Variants in METTL8 observed in about 807,000 individuals in gnomAD.
METTL8 encodes tRNA N(3)-cytidine methyltransferase METTL8, mitochondrial.
METTL8 carries 32 observed loss-of-function variants against 48.7 expected under a neutral mutation model. The observed-to-expected ratio is 0.66, with a 90% CI of 0.50 to 0.88. The LOEUF (loss-of-function observed/expected upper bound fraction) is 0.88, where lower values mean the gene tolerates loss of function less well. Among genes scored for constraint, METTL8 ranks in the 40% least tolerant of loss-of-function variants. The pLI, the probability that METTL8 is intolerant of heterozygous loss-of-function variation, is 0.00. For synonymous variants in METTL8, 136 were observed against 157.1 expected (o/e 0.87, Z 1.01); for missense variants, 464 against 474.4 (o/e 0.98, Z 0.20).
In METTL8 at chr2:171,339,548, T is replaced by C. The variant is rs2105419419; in HGVS notation, c.242A>G (p.Tyr81Cys). 6.7e-7 allele frequency: 1 copy of C among 1,482,614 alleles called. No individual in the cohort carries two copies. Among genetic ancestry groups the C allele is most frequent in the African/African-American group, 1.4e-5 (1 of 71,114 alleles). The allele number at this position is 1,482,614 out of a possible 1,614,324, so 91.8% of individuals were successfully genotyped here. ...CCAGTATTTACTAGCTTCTCTCTCA[T>C]ACTTAACTAAAATAAAGAGGAAAAA... ...VRVLLEEQVK[Y>C]EREASKYWDT... The change falls in exon 4 of 10, where the codon TAT becomes TGT. Residue 81 changes from tyrosine to cysteine, a missense_variant. Transcript: ENST00000375258.
chr2:171,371,622 A>G (rs778632034), intron 2 of METTL8, among the ~76,000 whole-genome samples: 16 of 152,072 alleles, frequency 1.1e-4, no homozygotes, highest in Middle Eastern at 3.4e-3. Flanking sequence ...TTCCCAAAGC[A>G]CTAGGACTAC....
At chr2:171,412,342 C>CT (rs1690833129) in intron 1 of METTL8, among the ~76,000 whole-genome samples, 1 of 152,182 alleles carries the variant, frequency 6.6e-6, no homozygotes, top group African/African-American at 2.4e-5. Context: ...CCATCTCTTT[C>CT]TGTGTCTCTT....
In METTL8 at chr2:171,359,003, G is replaced by A. The variant is rs1246921511; in HGVS notation, c.235+1419C>T. ...AAAAAGAAAATCAGATTAAAAAATGGGCAAGGTTGGGGCAGTGGCTCACTC... is the reference window on the plus strand; with the variant it reads ...AAAAAGAAAATCAGATTAAAAAATGAGCAAGGTTGGGGCAGTGGCTCACTC... On this transcript the variant is annotated intron_variant, in intron 3 of 9. Transcript: ENST00000375258. Among the ~76,000 whole-genome samples the A allele has an allele frequency of 3.3e-5, 5 of 151,746 alleles. No homozygotes were observed. The East Asian group carries it at 9.6e-4, about 29-fold the overall frequency.
At chr2:171,388,128 TA>T (rs1471745475) in intron 2 of METTL8, among the ~76,000 whole-genome samples, 1 of 152,228 alleles carries the variant, frequency 6.6e-6, no homozygotes, top group Non-Finnish European at 1.5e-5. Flanking sequence ...TTCTATCAGT[TA>T]CTTAAGATCA....
At chr2:171,393,428 A>G (rs1688773639) in intron 1 of METTL8, among the ~76,000 whole-genome samples, 1 of 134,792 alleles carries the variant, frequency 7.4e-6, no homozygotes, top group African/African-American at 2.7e-5. Flanking sequence ...AAAAAAAAGC[A>G]TGCTTATACC....
At chr2:171,329,383 TAG>T (rs1685290641) in intron 7 of METTL8, among the ~76,000 whole-genome samples, 1 of 152,260 alleles carries the variant, frequency 6.6e-6, no homozygotes, top group Non-Finnish European at 1.5e-5. Flanking sequence ...ATGTAGAATT[TAG>T]ATGTTTCTTG....
chr2:171,359,645 G>A (rs962763726), intron 3 of METTL8, among the ~76,000 whole-genome samples: 5 of 151,126 alleles, frequency 3.3e-5, no homozygotes, highest in Admixed American at 6.6e-5. Flanking sequence ...ACGGAGTCTC[G>A]CTCTGTCGCC....
chr2:171,336,388 C>A (rs961353163), intron 5 of METTL8, among the ~76,000 whole-genome samples: 37 of 146,800 alleles, frequency 2.5e-4, no homozygotes, highest in African/African-American at 8.1e-4. Flanking sequence ...AGCCACCACG[C>A]CCGACTGCTT....
At chr2:171,422,934 T>A (rs958505593) in intron 1 of METTL8, among the ~76,000 whole-genome samples, 2 of 152,212 alleles carry the variant, frequency 1.3e-5, no homozygotes, top group Non-Finnish European at 2.9e-5. Flanking sequence ...TTTGGTTGTG[T>A]CCTCAACCAA....
At chr2:171,330,441 A>G (rs1685398916) in intron 7 of METTL8, 118 bp downstream of exon 7, 1 of 955,902 alleles carries the variant, frequency 1.0e-6, no homozygotes, top group African/African-American at 1.7e-5. Context: ...TGTATTATAC[A>G]TAATGTTGCT....
chr2:171,388,218 T>C (rs1252281973), intron 2 of METTL8, among the ~76,000 whole-genome samples: 1 of 152,270 alleles, frequency 6.6e-6, no homozygotes, highest in Non-Finnish European at 1.5e-5. Flanking sequence ...TCACGATCTC[T>C]TGCTCACTGG....
At chr2:171,357,335 T>C (rs1575823567) in intron 3 of METTL8, among the ~76,000 whole-genome samples, 1 of 152,098 alleles carries the variant, frequency 6.6e-6, no homozygotes, top group Non-Finnish European at 1.5e-5. Flanking sequence ...TTAGTAAAAT[T>C]GCAGGATACA....
At chr2:171,386,914 A>G (rs892642356) in intron 2 of METTL8, among the ~76,000 whole-genome samples, 1 of 152,096 alleles carries the variant, frequency 6.6e-6, no homozygotes, top group Non-Finnish European at 1.5e-5. Flanking sequence ...GCACACCAGC[A>G]GGCCACCCAC....
intron 1 of METTL8, among the ~76,000 whole-genome samples, chr2:171,399,917 T>C (rs773257592): frequency 6.6e-6 from 1 of 152,068 alleles, no homozygotes; most frequent in East Asian, 1.9e-4. Context: ...GGCAGGAGGA[T>C]TGCTTGAGCC....
chr2:171,336,358 G>A (rs1354825552), intron 5 of METTL8, among the ~76,000 whole-genome samples: 1 of 145,046 alleles, frequency 6.9e-6, no homozygotes, highest in Non-Finnish European at 1.5e-5. Context: ...GCCTCCCAAA[G>A]TGCTGGGATT....
intron 1 of METTL8, among the ~76,000 whole-genome samples, chr2:171,415,731 C>T (rs1308418531): frequency 6.6e-6 from 1 of 152,054 alleles, no homozygotes; most frequent in Non-Finnish European, 1.5e-5. Context: ...ACTAAATATA[C>T]AAATTCTATA....
intron 1 of METTL8, among the ~76,000 whole-genome samples, chr2:171,424,212 G>T (rs1169698257): frequency 6.6e-6 from 1 of 152,234 alleles, no homozygotes; most frequent in Non-Finnish European, 1.5e-5. Context: ...CCAAGCAGAA[G>T]TTTGCTGCAT....
rs150903548 is a variant in METTL8 at position 171,347,491 on chromosome 2, G to A, written c.236-7937C>T. 9.2e-5 allele frequency among the ~76,000 whole-genome samples: 14 copies of A among 152,234 alleles called. No homozygotes were observed. In the East Asian group the frequency reaches 2.7e-3, roughly 29 times the overall value. ...ACTTTAAGGGAACACTATCAGCACT[G>A]CTCATCTATTTATGTTCTAAATGGA... On this transcript the variant is annotated intron_variant, in intron 3 of 9. Coordinates refer to ENST00000375258, the MANE Select transcript of METTL8 (RefSeq NM_001321154.2).
At chr2:171,379,270 G>A (rs1349168208) in intron 2 of METTL8, among the ~76,000 whole-genome samples, 3 of 152,118 alleles carry the variant, frequency 2.0e-5, no homozygotes, top group Non-Finnish European at 2.9e-5. Flanking sequence ...TACTAAGAGG[G>A]AAATTTATAA....
Sources: allele counts gnomAD v4.1 joint callset (sites outside exome capture counted in the v4.1 genomes callset), GRCh38; gene constraint gnomAD v4.1.1; transcripts MANE v1.5; gene names NCBI Gene and HGNC (gene_info 2026-07-23, HGNC 2026-07-21).